The following FICD variants were observed in gnomAD, a reference collection of about 807,000 sequenced individuals.
The protein encoded by FICD is protein adenylyltransferase FICD.
Under a neutral mutation model 28.0 loss-of-function variants are expected in FICD, and 13 were observed. That is an observed-to-expected ratio of 0.46 (90% CI 0.30 to 0.74). The LOEUF is 0.74. FICD is among the 30% of genes least tolerant of loss of function. The pLI, the probability that FICD is intolerant of heterozygous loss-of-function variation, is 0.07. For synonymous variants in FICD, 268 were observed against 266.4 expected, an observed-to-expected ratio of 1.01 and a Z score of -0.06; for missense variants, 576 against 624.5, an observed-to-expected ratio of 0.92 and a Z score of 0.83.
At position 108,518,800 on chromosome 12, in the gene FICD, G is replaced by C. The variant is rs559793492; in HGVS notation, c.702G>C (p.Glu234Asp). 1.2e-6 allele frequency: 2 copies of C among 1,614,208 alleles called. No individual in the cohort carries two copies. The highest frequency in any genetic ancestry group is 1.7e-6 in the Non-Finnish European group (2 of 1,180,036). The change falls in exon 3 of 3, where the codon GAG becomes GAC. Residue 234 changes from glutamate to aspartate, a missense_variant. Glu to Asp is a conservative substitution (Grantham distance 45). Transcript: ENST00000552695. This position sits in a 1 kb window ranked among gnomAD's most constrained non-coding sequence, Gnocchi z 4.4. The part of the protein sequence containing the change: ...YHHIYHTVAI[E>D]GNTLTLSEIR... ...ACATCTACCACACAGTGGCCATCGA[G>C]GGCAACACCCTCACCCTCTCGGAAA...
chr12:108,519,615 A>C lies in FICD; in HGVS notation c.*140A>C. 3 of 588,218 alleles carry C rather than the reference A, an allele frequency of 5.1e-6. No individual in the cohort carries two copies. The highest frequency in any genetic ancestry group is 5.8e-6 in the Non-Finnish European group (2 of 344,496). 36.4% of individuals were successfully genotyped at this position (588,218 alleles called of 1,614,324 possible). On this transcript the variant is annotated 3_prime_UTR_variant, in exon 3 of 3. Coordinates refer to ENST00000552695, the MANE Select transcript of FICD (RefSeq NM_007076.3). The surrounding 1 kb of genome is among the most constrained non-coding windows in gnomAD (Gnocchi z 4.5). ...AAATGTTTTAGTTTTAAAAAAAAAA[A>C]AAAACTAAGTTATGAAGCCTTGTCT...
Position 108,517,258 on chromosome 12 carries a change from A to G in FICD, c.286A>G (p.Thr96Ala). ...SRGATLLVAK[T>A]KASPAGKLEA... Reference sequence around the variant, plus strand: ...GGGCGCGACGCTGCTGGTGGCCAAGACCAAGGCCTCTCCAGGTAAGACAGA... The same window carrying G: ...GGGCGCGACGCTGCTGGTGGCCAAGGCCAAGGCCTCTCCAGGTAAGACAGA... Residue 96 changes from threonine to alanine, a missense_variant, in exon 2 of 3, where the codon ACC becomes GCC. Coordinates refer to ENST00000552695, the MANE Select transcript of FICD (RefSeq NM_007076.3). The G allele has an allele frequency of 6.5e-7, 1 of 1,535,614 alleles. No individual in the cohort carries two copies. Among genetic ancestry groups the G allele is most frequent in the Non-Finnish European group, 8.8e-7 (1 of 1,141,722 alleles).
Position 108,519,151 on chromosome 12 carries a change from T to G in FICD, c.1053T>G (p.Phe351Leu), listed in dbSNP as rs1362149885. 1 of 1,614,092 alleles carries G rather than the reference T, an allele frequency of 6.2e-7. No homozygotes were observed. Among genetic ancestry groups the G allele is most frequent in the Non-Finnish European group, 8.5e-7 (1 of 1,180,032 alleles). ...EEAMNLHPVE[F>L]AALAHYKLVY... is the part of the protein sequence containing the mutation. ...CCATGAACCTGCACCCAGTGGAGTT[T>G]GCAGCCTTAGCCCATTATAAACTCG... is the stretch of plus-strand genomic sequence containing the variant. The change falls in exon 3 of 3, where the codon TTT (phenylalanine) becomes TTG (leucine). Residue 351 changes from phenylalanine to leucine, a missense_variant. By Grantham distance (22) the Phe-to-Leu change is conservative. Transcript: ENST00000552695. This position sits in a 1 kb window ranked among gnomAD's most constrained non-coding sequence, Gnocchi z 4.5.
At position 108,519,520 on chromosome 12, in the gene FICD, A is replaced by C; in HGVS notation, c.*45A>C. 7.9e-7 allele frequency: 1 copy of C among 1,269,206 alleles called. No individual in the cohort carries two copies. Among genetic ancestry groups the C allele is most frequent in the Non-Finnish European group, 1.1e-6 (1 of 924,084 alleles). 78.6% of individuals were successfully genotyped at this position (1,269,206 alleles called of 1,614,324 possible). ...CAAAGGCTGTCCTGAGGTAGGAAAA[A>C]AAAAAAGAAACAGCATTTCTAGAAA... is the stretch of plus-strand genomic sequence containing the variant. On this transcript the variant is annotated 3_prime_UTR_variant, in exon 3 of 3. Transcript: ENST00000552695. The surrounding 1 kb of genome is among the most constrained non-coding windows in gnomAD (Gnocchi z 4.5).
chr12:108,518,953 C>T lies in FICD; in HGVS notation c.855C>T (p.Val285=). The stretch of plus-strand genomic sequence containing the variant: ...CTCTGGTTTCGCGCATCGGCTCCGT[C>T]ACCATCAGCGACGTGCTGGAGATCC... ...NTTLVSRIGS[V]TISDVLEIHR... is the part of the protein sequence containing the mutation. The change falls in exon 3 of 3, where the codon GTC becomes GTT. Residue 285 remains valine, a synonymous_variant. Transcript: ENST00000552695. The surrounding 1 kb of genome is among the most constrained non-coding windows in gnomAD (Gnocchi z 4.4). The T allele has an allele frequency of 6.2e-7, 1 of 1,614,204 alleles. No individual in the cohort carries two copies. Among genetic ancestry groups the T allele is most frequent in the East Asian group, 2.2e-5 (1 of 44,874 alleles).
intron 1 of FICD, 32 bp from the exon 2 acceptor site, chr12:108,516,883 C>G: frequency 8.9e-7 from 1 of 1,128,138 alleles, no homozygotes; most frequent in Non-Finnish European, 1.2e-6. Flanking sequence ...CTGAACGTGT[C>G]TGTTTCTCCT....
At position 108,521,000 on chromosome 12, in the gene FICD, T is replaced by G. The variant is rs1433477285; in HGVS notation, c.*1525T>G. ...ATGAAATGGCTCCAAATGATAATTG[T>G]TCAAACCTTTATAAAATGTGTTTTC... On this transcript the variant is annotated 3_prime_UTR_variant, in exon 3 of 3. Transcript: ENST00000552695. 1 of 152,240 alleles carries G rather than the reference T, an allele frequency of 6.6e-6. No individual in the cohort carries two copies. The highest frequency in any genetic ancestry group is 1.5e-5 in the Non-Finnish European group (1 of 68,048). 9.4% of individuals were successfully genotyped at this position (152,240 alleles called of 1,614,324 possible).
rs1407460299 is a variant in FICD at position 108,520,119 on chromosome 12, A to G, written c.*644A>G. Reference sequence around the variant, plus strand: ...TTTTTTTTTTTTTCATATTGAGACTATTTTTCTAATTAAGAATAGGGGGTA... The same window carrying G: ...TTTTTTTTTTTTTCATATTGAGACTGTTTTTCTAATTAAGAATAGGGGGTA... On this transcript the variant is annotated 3_prime_UTR_variant, in exon 3 of 3. Transcript: ENST00000552695. 1.1e-5 allele frequency: 1 copy of G among 91,548 alleles called. No individual in the cohort carries two copies. The highest frequency in any genetic ancestry group is 2.2e-5 in the Non-Finnish European group (1 of 45,344). 5.7% of individuals were successfully genotyped at this position (91,548 alleles called of 1,614,324 possible).
rs150067194 is a variant in FICD, at chr12:108,519,284, C to T, written c.1186C>T (p.Arg396Trp). 6 of 1,614,130 alleles carry T rather than the reference C, an allele frequency of 3.7e-6. No individual in the cohort carries two copies. The highest frequency in any genetic ancestry group is 1.6e-4 in the Middle Eastern group (1 of 6,084). ...YPPITIRKEQ[R>W]SDYYHVLEAA... ...GCCCATCACCATCCGCAAGGAGCAG[C>T]GGTCCGACTACTACCACGTGTTGGA... is the stretch of plus-strand genomic sequence containing the variant. Residue 396 changes from arginine to tryptophan, a missense_variant, in exon 3 of 3, where the codon CGG becomes TGG. By Grantham distance (101) the Arg-to-Trp change is moderately radical. Transcript: ENST00000552695. This position sits in a 1 kb window ranked among gnomAD's most constrained non-coding sequence, Gnocchi z 4.5.
rs1872047902 is a variant in FICD, at chr12:108,519,851, TAAC to T, written c.*377_*379del. The T allele has an allele frequency of 6.0e-6, 1 of 167,552 alleles. No individual in the cohort carries two copies. The allele number at this position is 167,552 out of a possible 1,614,324, so 10.4% of individuals were successfully genotyped here. On this transcript the variant is annotated 3_prime_UTR_variant, in exon 3 of 3. Coordinates refer to ENST00000552695, the MANE Select transcript of FICD (RefSeq NM_007076.3). This position sits in a 1 kb window ranked among gnomAD's most constrained non-coding sequence, Gnocchi z 4.5. ...GGGACGGGGCCCAGAGCCACTGACA[TAAC>T]TCCTCCAAGTGCTTCTCTGAAACAG...
Position 108,520,781 on chromosome 12 carries a change from C to CT in FICD, c.*1307dup, listed in dbSNP as rs1872088129. On this transcript the variant is annotated 3_prime_UTR_variant, in exon 3 of 3. Coordinates refer to ENST00000552695, the MANE Select transcript of FICD (RefSeq NM_007076.3). ...TTCCCAGTGACAGAGCCCATGATGT[C>CT]TAACACTACTGCACTTTGTCAGTGT... 2 of 152,220 alleles carry CT rather than the reference C, an allele frequency of 1.3e-5. No homozygotes were observed. The highest frequency in any genetic ancestry group is 3.8e-4 in the East Asian group (2 of 5,202). The allele number at this position is 152,220 out of a possible 1,614,324, so 9.4% of individuals were successfully genotyped here. A position where few individuals can be genotyped will look rare whatever the true frequency, so the allele number is the denominator to read the frequency against.
chr12:108,518,326 CAG>C lies in FICD; in HGVS notation c.302-73_302-72del. The C allele has an allele frequency of 7.8e-7, 1 of 1,283,732 alleles. No individual in the cohort carries two copies. Among genetic ancestry groups the C allele is most frequent in the Non-Finnish European group, 1.1e-6 (1 of 890,926 alleles). 79.5% of individuals were successfully genotyped at this position (1,283,732 alleles called of 1,614,324 possible). A position where few individuals can be genotyped will look rare whatever the true frequency, so the allele number is the denominator to read the frequency against. The stretch of plus-strand genomic sequence containing the variant: ...TCATGGTTTCCTGCGGAGACCAGCA[CAG>C]GGGACAGCCCCCCGAATGTCCTCTG... On this transcript the variant is annotated intron_variant, in intron 2 of 2. Transcript: ENST00000552695. The surrounding 1 kb of genome is among the most constrained non-coding windows in gnomAD (Gnocchi z 4.4).
Position 108,518,378 on chromosome 12 carries a change from C to CG in FICD, c.302-21dup, listed in dbSNP as rs752756286. 6.2e-7 allele frequency: 1 copy of CG among 1,605,252 alleles called. No homozygotes were observed. The highest frequency in any genetic ancestry group is 8.5e-7 in the Non-Finnish European group (1 of 1,172,148). The stretch of plus-strand genomic sequence containing the variant: ...GCCCCCTAGCCTCCCTCCCTCACAG[C>CG]GCTTCTTTGGCTCTCTTCCAGCGGG... On this transcript the variant is annotated intron_variant, in intron 2 of 2. Coordinates refer to ENST00000552695, the MANE Select transcript of FICD (RefSeq NM_007076.3). The surrounding 1 kb of genome is among the most constrained non-coding windows in gnomAD (Gnocchi z 4.4).
chr12:108,518,592 G>C lies in FICD; in HGVS notation c.494G>C (p.Arg165Thr). ...ATCCAGGCGGACTACTTGTACACCA[G>C]AGCATTGACCATCTCACCCTACCAT... ...DIIQADYLYT[R>T]ALTISPYHEK... is the part of the protein sequence containing the mutation. The change falls in exon 3 of 3, where the codon AGA becomes ACA. Residue 165 changes from arginine to threonine, a missense_variant. By Grantham distance (71) the Arg-to-Thr change is moderately conservative. Transcript: ENST00000552695. The surrounding 1 kb of genome is among the most constrained non-coding windows in gnomAD (Gnocchi z 4.4). The C allele has an allele frequency of 6.2e-7, 1 of 1,614,208 alleles. No homozygotes were observed. Among genetic ancestry groups the C allele is most frequent in the Non-Finnish European group, 8.5e-7 (1 of 1,180,036 alleles).
Position 108,520,090 on chromosome 12 carries a change from T to G in FICD, c.*615T>G, listed in dbSNP as rs1468694265. 2.7e-5 allele frequency: 4 copies of G among 150,666 alleles called. No homozygotes were observed. Among genetic ancestry groups the G allele is most frequent in the African/African-American group, 7.3e-5 (3 of 40,918 alleles). The allele number at this position is 150,666 out of a possible 1,614,324, so 9.3% of individuals were successfully genotyped here. The stretch of plus-strand genomic sequence containing the variant: ...GCAAACTTTAGTGCCAGCAGCTGTT[T>G]TTTTTTTTTTTTTTTTCATATTGAG... On this transcript the variant is annotated 3_prime_UTR_variant, in exon 3 of 3. Coordinates refer to ENST00000552695, the MANE Select transcript of FICD (RefSeq NM_007076.3).
chr12:108,519,548 T>C lies in FICD; in HGVS notation c.*73T>C. The C allele has an allele frequency of 1.1e-6, 1 of 899,224 alleles. No homozygotes were observed. The highest frequency in any genetic ancestry group is 1.6e-6 in the Non-Finnish European group (1 of 613,162). The allele number at this position is 899,224 out of a possible 1,614,324, so 55.7% of individuals were successfully genotyped here. On this transcript the variant is annotated 3_prime_UTR_variant, in exon 3 of 3. Coordinates refer to ENST00000552695, the MANE Select transcript of FICD (RefSeq NM_007076.3). This position sits in a 1 kb window ranked among gnomAD's most constrained non-coding sequence, Gnocchi z 4.5. ...AAAAGAAACAGCATTTCTAGAAACC[T>C]AGTCACTTCCTAAAGCAAAAGGAGA...
rs558212455 is a variant in FICD at position 108,515,930 on chromosome 12, C to T, written c.-59+569C>T. Among the ~76,000 whole-genome samples, 15 of 152,296 alleles carry T rather than the reference C, an allele frequency of 9.8e-5. No homozygotes were observed. In the South Asian group the frequency reaches 3.1e-3, roughly 32 times the overall value. ...TGGGCCTTCTGGAATTTAACTTATG[C>T]TCTCTGTGTCTTGGTTTCCCTTGTC... On this transcript the variant is annotated intron_variant, in intron 1 of 2. Transcript: ENST00000552695.
At chr12:108,515,988 A>G (rs1434320414) in intron 1 of FICD, among the ~76,000 whole-genome samples, 1 of 152,268 alleles carries the variant, frequency 6.6e-6, no homozygotes, top group Non-Finnish European at 1.5e-5. Context: ...CTCTTCCTTC[A>G]TAGGGTGGCA....
rs566200700 is a variant in FICD at position 108,517,168 on chromosome 12, G to A, written c.196G>A (p.Asp66Asn). 2 of 1,604,282 alleles carry A rather than the reference G, an allele frequency of 1.2e-6. No individual in the cohort carries two copies. Among genetic ancestry groups the A allele is most frequent in the African/African-American group, 1.3e-5 (1 of 74,968 alleles). Residue 66 changes from aspartate to asparagine, a missense_variant, in exon 2 of 3, where the codon GAC (aspartate) becomes AAC (asparagine). By Grantham distance (23) the Asp-to-Asn change is conservative. Coordinates refer to ENST00000552695, the MANE Select transcript of FICD (RefSeq NM_007076.3). ...KGLYLLRSKPDRAQHAATKCT... is the reference protein window; with the variant it reads ...KGLYLLRSKPNRAQHAATKCT... ...CCTCTACCTGCTCAGGAGCAAACCG[G>A]ACAGGGCGCAGCATGCCGCCACCAA... is the stretch of plus-strand genomic sequence containing the variant.
Sources: gnomAD v4.1 joint callset for allele counts (sites outside exome capture counted in the v4.1 genomes callset) on GRCh38, gnomAD v4.1.1 for gene constraint, Gnocchi (gnomAD v3.1) non-coding constraint, MANE v1.5 for transcripts, NCBI Gene and HGNC (gene_info 2026-07-23, HGNC 2026-07-21) for gene names.